NRXN1: variants seen among roughly 807,000 people sequenced by gnomAD.
NRXN1 encodes the protein neurexin-1.
In NRXN1, 39 loss-of-function variants were observed where a neutral mutation model predicts 150.9. The observed-to-expected ratio is 0.26, with a 90% confidence interval of 0.20 to 0.34. NRXN1 has a LOEUF of 0.34. Ranked by LOEUF, NRXN1 falls within the 10% of genes least tolerant of loss-of-function variation. NRXN1 has a pLI of 1.00. For synonymous variants in NRXN1, 924 were observed against 757.0 expected, an observed-to-expected ratio of 1.22 and a Z score of -3.62; for missense variants, 1,815 against 1,949.9, an observed-to-expected ratio of 0.93 and a Z score of 1.30.
At chr2:50,664,396 C>CGTGT (rs35702112) in intron 5 of NRXN1, among the ~76,000 whole-genome samples, 9,615 of 107,934 alleles carry the variant, frequency 0.089, 537 homozygotes, top group Admixed American at 0.16. Context: ...AAGTTTAAAG[C>CGTGT]GTGTGTGTGT....
chr2:50,829,672 GAC>G, intron 5 of NRXN1: 2 of 1,611,260 alleles, frequency 1.2e-6, no homozygotes, highest in Non-Finnish European at 8.5e-7. Flanking sequence ...ATAACAGGCT[GAC>G]ACAGCGGAGC....
intron 17 of NRXN1, among the ~76,000 whole-genome samples, chr2:50,296,619 C>T (rs2073604538): frequency 6.6e-6 from 1 of 151,658 alleles, no homozygotes. Flanking sequence ...CAGGCATGCA[C>T]TACTGGCTGG....
intron 8 of NRXN1, among the ~76,000 whole-genome samples, chr2:50,586,893 C>T (rs1458473599): frequency 2.0e-5 from 3 of 152,090 alleles, no homozygotes. Context: ...TCCTTAGATT[C>T]CTGGTTTATG....
chr2:50,093,652 A>T (rs943614205), intron 18 of NRXN1, among the ~76,000 whole-genome samples: 6 of 152,088 alleles, frequency 3.9e-5, no homozygotes, highest in African/African-American at 7.2e-5. Context: ...TAAATATTTT[A>T]AAAATTACCC....
chr2:50,960,900 T>A (rs1423733819), intron 2 of NRXN1, among the ~76,000 whole-genome samples: 1 of 152,026 alleles, frequency 6.6e-6, no homozygotes, highest in Non-Finnish European at 1.5e-5. Context: ...AACTTGTAAC[T>A]TCATAGTCAA....
At chr2:50,749,666 A>C (rs192310265) in intron 5 of NRXN1, among the ~76,000 whole-genome samples, 335 of 152,246 alleles carry the variant, frequency 2.2e-3, no homozygotes, top group Non-Finnish European at 3.4e-3. Context: ...TTTTCAGATA[A>C]ATAACTGTTA....
intron 17 of NRXN1, among the ~76,000 whole-genome samples, chr2:50,402,959 T>C (rs752319336): frequency 2.0e-5 from 3 of 152,090 alleles, no homozygotes; most frequent in Non-Finnish European, 4.4e-5. Context: ...TAAAATGATA[T>C]AGCGCTTTCC....
At chr2:50,921,782 T>C (rs1012843388) in intron 5 of NRXN1, 87 bp downstream of exon 5, 2 of 557,990 alleles carry the variant, frequency 3.6e-6, no homozygotes, top group Non-Finnish European at 5.9e-6. Context: ...CCATTACCAA[T>C]GCCAAAAGGT....
intron 18 of NRXN1, among the ~76,000 whole-genome samples, chr2:50,186,645 A>G (rs2061091652): frequency 6.6e-6 from 1 of 152,112 alleles, no homozygotes; most frequent in Non-Finnish European, 1.5e-5. Flanking sequence ...TAAGAAGCTC[A>G]GAAAAATTTC....
intron 18 of NRXN1, among the ~76,000 whole-genome samples, chr2:50,132,623 A>G (rs184789607): frequency 6.6e-5 from 10 of 152,072 alleles, no homozygotes; most frequent in African/African-American, 2.4e-4. Context: ...ATCTTTTTAA[A>G]ATGACTTTTT....
intron 8 of NRXN1, chr2:50,619,529 G>A (rs1679610402): frequency 6.0e-6 from 1 of 167,258 alleles, no homozygotes. Flanking sequence ...AGAATGTGTT[G>A]AAAATAAGGG....
intron 17 of NRXN1, among the ~76,000 whole-genome samples, chr2:50,314,091 G>A (rs76110659): frequency 0.021 from 3,236 of 152,180 alleles, 96 homozygotes; most frequent in African/African-American, 0.074. Flanking sequence ...CTGAAGATGA[G>A]AGCTTCAGAA....
chr2:50,323,271 C>T (rs1575083285), intron 17 of NRXN1, among the ~76,000 whole-genome samples: 2 of 152,084 alleles, frequency 1.3e-5, no homozygotes, highest in African/African-American at 2.4e-5. Flanking sequence ...GTCAGAGTTC[C>T]TGATTTATGA....
chr2:50,745,992 G>A (rs1184583855), intron 5 of NRXN1, among the ~76,000 whole-genome samples: 1 of 152,100 alleles, frequency 6.6e-6, no homozygotes, highest in Non-Finnish European at 1.5e-5. Context: ...GGGACAACTA[G>A]CCCAGCCTCT....
At chr2:50,029,738 G>A (rs1179283872) in intron 21 of NRXN1, among the ~76,000 whole-genome samples, 1 of 152,132 alleles carries the variant, frequency 6.6e-6, no homozygotes, top group Non-Finnish European at 1.5e-5. Flanking sequence ...GGCCCAAGCA[G>A]ACTAAGTCAG....
At chr2:50,297,945 G>A (rs1308002951) in intron 17 of NRXN1, among the ~76,000 whole-genome samples, 1 of 152,146 alleles carries the variant, frequency 6.6e-6, no homozygotes, top group African/African-American at 2.4e-5. Flanking sequence ...GACATGCTCA[G>A]GGATCAAATA....
chr2:50,558,781 C>T (rs1037036802), intron 8 of NRXN1, among the ~76,000 whole-genome samples: 5 of 152,222 alleles, frequency 3.3e-5, no homozygotes, highest in South Asian at 2.1e-4. Context: ...AAGTGAAGGC[C>T]GAGCGCAGTG....
chr2:50,758,610 T>C (rs1701430870), intron 5 of NRXN1, among the ~76,000 whole-genome samples: 2 of 151,940 alleles, frequency 1.3e-5, no homozygotes, highest in Admixed American at 1.3e-4. Context: ...TCCCAGCTTA[T>C]AAACTACTTT....
intron 8 of NRXN1, among the ~76,000 whole-genome samples, chr2:50,603,797 G>A (rs1001179682): frequency 6.6e-6 from 1 of 152,162 alleles, no homozygotes; most frequent in Non-Finnish European, 1.5e-5. Context: ...GCTCATAGAA[G>A]TTGAATAAAA....
Sources: allele counts gnomAD v4.1 joint callset (sites outside exome capture counted in the v4.1 genomes callset), GRCh38; gene constraint gnomAD v4.1.1; transcripts MANE v1.5; gene names NCBI Gene and HGNC (gene_info 2026-07-23, HGNC 2026-07-21).